SIPA1L3: variants seen among roughly 807,000 people sequenced by gnomAD.
SIPA1L3 encodes the protein signal induced proliferation associated 1 like 3.
SIPA1L3 carries 59 observed loss-of-function variants against 150.1 expected under a neutral mutation model. That is an observed-to-expected ratio of 0.39 (90% confidence interval 0.32 to 0.49). SIPA1L3 has a LOEUF of 0.49. Among genes scored for constraint, SIPA1L3 ranks in the 20% least tolerant of loss-of-function variants. SIPA1L3 has a pLI of 0.86. For missense variants in SIPA1L3, 2,211 were observed against 2,489.5 expected (o/e 0.89, Z 2.38); for synonymous variants, 1,070 against 1,077.6 (o/e 0.99, Z 0.14).
Position 38,141,392 on chromosome 19 carries a change from C to A in SIPA1L3, c.3352C>A (p.Pro1118Thr). 1.9e-6 allele frequency: 3 copies of A among 1,613,194 alleles called. No individual in the cohort carries two copies. Among genetic ancestry groups the A allele is most frequent in the Non-Finnish European group, 2.5e-6 (3 of 1,179,998 alleles). The change falls in exon 11 of 22, where the codon CCC becomes ACC. Residue 1118 changes from proline to threonine, a missense_variant. This residue lies in a region of SIPA1L3 where 806 missense variants were observed against 870.1 expected (regional missense o/e 0.93). Coordinates refer to ENST00000222345, the MANE Select transcript of SIPA1L3 (RefSeq NM_015073.3). ...CCTGAGCCGGCCCCTGAAGCAGACC[C>A]CCATAGTCCCCTTCCGGGAGTCCCA... ...QSLSRPLKQT[P>T]IVPFRESQPL...
intron 1 of SIPA1L3, among the ~76,000 whole-genome samples, chr19:37,930,829 TC>T (rs936239568): frequency 1.2e-4 from 13 of 106,294 alleles, no homozygotes; most frequent in African/African-American, 3.5e-4. Flanking sequence ...TAGACACCCC[TC>T]CCCCCCAACC....
intron 2 of SIPA1L3, among the ~76,000 whole-genome samples, chr19:38,079,934 G>A (rs1388978073): frequency 6.6e-6 from 1 of 152,188 alleles, no homozygotes; most frequent in African/African-American, 2.4e-5. Flanking sequence ...CAGATGTCCT[G>A]GATAAGGTTT....
intron 18 of SIPA1L3, among the ~76,000 whole-genome samples, chr19:38,194,388 A>T (rs1412851896): frequency 7.0e-6 from 1 of 143,262 alleles, no homozygotes; most frequent in Middle Eastern, 3.5e-3. Context: ...CAACTGAAAG[A>T]CAGTACGTAA....
chr19:38,147,783 G>A (rs7248428), intron 12 of SIPA1L3, among the ~76,000 whole-genome samples: 27,085 of 152,012 alleles, frequency 0.18, 2,862 homozygotes, highest in African/African-American at 0.29. Flanking sequence ...AACTCCTTGA[G>A]GTGGGTAGTT....
intron 2 of SIPA1L3, among the ~76,000 whole-genome samples, chr19:38,070,693 T>C (rs1969696329): frequency 6.6e-6 from 1 of 152,212 alleles, no homozygotes; most frequent in African/African-American, 2.4e-5. Flanking sequence ...GTTTGTTGTG[T>C]GAGTGAATGG....
intron 12 of SIPA1L3, among the ~76,000 whole-genome samples, chr19:38,145,808 C>A (rs1432084067): frequency 1.3e-5 from 2 of 151,844 alleles, no homozygotes; most frequent in Non-Finnish European, 2.9e-5. Context: ...CCACACCCAT[C>A]TCTTCCCCCT....
intron 1 of SIPA1L3, among the ~76,000 whole-genome samples, chr19:37,981,644 G>A (rs879573299): frequency 1.2e-4 from 18 of 152,092 alleles, no homozygotes; most frequent in Middle Eastern, 3.4e-3. Context: ...GTCAGATGAC[G>A]CAGTGCCAGT....
chr19:38,207,338 A>T lies in SIPA1L3; in HGVS notation c.*1098A>T, dbSNP rs1973242025. The T allele has an allele frequency of 6.6e-6, 1 of 151,540 alleles. No homozygotes were observed. The highest frequency in any genetic ancestry group is 6.6e-5 in the Admixed American group (1 of 15,206). The allele number at this position is 151,540 out of a possible 1,614,324, so 9.4% of individuals were successfully genotyped here. On this transcript the variant is annotated 3_prime_UTR_variant, in exon 22 of 22. Coordinates refer to ENST00000222345, the MANE Select transcript of SIPA1L3 (RefSeq NM_015073.3). ...ACTGGACGCTGGTTCTCTAAAGGCA[A>T]TAAGGGGCGGCCATGCCGGTGTGGT...
At chr19:38,115,921 G>A (rs1970871350) in intron 8 of SIPA1L3, among the ~76,000 whole-genome samples, 1 of 152,142 alleles carries the variant, frequency 6.6e-6, no homozygotes, top group South Asian at 2.1e-4. Flanking sequence ...AGAGCGTGGA[G>A]TCCAGGAAGT....
chr19:38,052,308 T>C (rs962842592), intron 2 of SIPA1L3, among the ~76,000 whole-genome samples: 1 of 152,130 alleles, frequency 6.6e-6, no homozygotes, highest in Admixed American at 6.6e-5. Flanking sequence ...GTTAAAAAAG[T>C]TGGGGAGGAG....
At chr19:38,070,349 A>G (rs1197366282) in intron 2 of SIPA1L3, among the ~76,000 whole-genome samples, 1 of 151,800 alleles carries the variant, frequency 6.6e-6, no homozygotes, top group African/African-American at 2.4e-5. Context: ...TGCTGTGATT[A>G]CACACATGAG....
In SIPA1L3 at chr19:38,193,113, G is replaced by T. The variant is rs559730173; in HGVS notation, c.4597-424G>T. Among the ~76,000 whole-genome samples the T allele has an allele frequency of 1.4e-3, 211 of 152,090 alleles. 1 individual carries two copies. Among genetic ancestry groups the T allele is most frequent in the African/African-American group, 4.8e-3 (199 of 41,470 alleles). ...TCCCAGCACTTTGGGTGGCTAAGGTGAGAGGATCACTTGAGCCCAGGAGTT... is the reference window on the plus strand; with the variant it reads ...TCCCAGCACTTTGGGTGGCTAAGGTTAGAGGATCACTTGAGCCCAGGAGTT... On this transcript the variant is annotated intron_variant, in intron 17 of 21. Coordinates refer to ENST00000222345, the MANE Select transcript of SIPA1L3 (RefSeq NM_015073.3).
chr19:38,049,496 C>G (rs937232051), intron 2 of SIPA1L3, among the ~76,000 whole-genome samples: 1 of 152,140 alleles, frequency 6.6e-6, no homozygotes, highest in Non-Finnish European at 1.5e-5. Flanking sequence ...TGTCTGGTCC[C>G]CTGGTGTTGG....
chr19:37,915,366 T>G (rs1398811186), intron 1 of SIPA1L3, among the ~76,000 whole-genome samples: 1 of 151,738 alleles, frequency 6.6e-6, no homozygotes, highest in African/African-American at 2.4e-5. Flanking sequence ...CTGGAAAAGG[T>G]GTTTTTTTTT....
intron 2 of SIPA1L3, among the ~76,000 whole-genome samples, chr19:38,055,970 C>T (rs2145769705): frequency 6.6e-6 from 1 of 152,324 alleles, no homozygotes; most frequent in Middle Eastern, 3.4e-3. Context: ...ACTGCCAGAG[C>T]CCAAACATAC....
rs1243038942 is a variant in SIPA1L3 at position 38,151,089 on chromosome 19, C to T, written c.3534-1751C>T. On this transcript the variant is annotated intron_variant, in intron 12 of 21. Coordinates refer to ENST00000222345, the MANE Select transcript of SIPA1L3 (RefSeq NM_015073.3). ...CCATCAGAGTGGGTCTTACCTGCAG[C>T]CTGGTAGCAACAGGGCAGCAGCAGC... Among the ~76,000 whole-genome samples, 7 of 152,194 alleles carry T rather than the reference C, an allele frequency of 4.6e-5. No individual in the cohort carries two copies. In the East Asian group the frequency reaches 1.2e-3, roughly 25 times the overall value.
chr19:38,101,010 T>G (rs1222180998), intron 5 of SIPA1L3, 42 bp from the exon 6 acceptor site: 2 of 1,496,640 alleles, frequency 1.3e-6, no homozygotes, highest in Non-Finnish European at 8.9e-7. Flanking sequence ...CTCTGCCATC[T>G]CTGCCTGGCC....
chr19:37,925,444 C>T (rs2046494713), intron 1 of SIPA1L3, among the ~76,000 whole-genome samples: 1 of 151,990 alleles, frequency 6.6e-6, no homozygotes, highest in Non-Finnish European at 1.5e-5. Context: ...AGATTGAGGC[C>T]CACATGGCTG....
At position 38,141,414 on chromosome 19, in the gene SIPA1L3, C is replaced by T. The variant is rs1385238708; in HGVS notation, c.3374C>T (p.Ser1125Phe). Residue 1125 changes from serine to phenylalanine, a missense_variant, in exon 11 of 22, where the codon TCC (serine) becomes TTC (phenylalanine). By Grantham distance (155) the Ser-to-Phe change is radical (BLOSUM62 -2). Around this residue, in one of 5 missense-constraint regions of SIPA1L3, gnomAD observed 806 missense variants for 870.1 expected, o/e 0.93. Transcript: ENST00000222345. ...KQTPIVPFRE[S>F]QPLHSKRPVS... ...ACCCCCATAGTCCCCTTCCGGGAGTCCCAGCCACTGCACAGCAAGAGGTAA... is the reference window on the plus strand; with the variant it reads ...ACCCCCATAGTCCCCTTCCGGGAGTTCCAGCCACTGCACAGCAAGAGGTAA... The T allele has an allele frequency of 4.3e-6, 7 of 1,610,580 alleles. No individual in the cohort carries two copies. The South Asian group carries it at 4.4e-5, about 10-fold the overall frequency.
Sources: gnomAD v4.1 joint callset for allele counts (sites outside exome capture counted in the v4.1 genomes callset) on GRCh38, gnomAD v4.1.1 for gene constraint, gnomAD v4.1.1 regional missense constraint, MANE v1.5 for transcripts, NCBI Gene and HGNC (gene_info 2026-07-23, HGNC 2026-07-21) for gene names.